CLCN1: variants seen among roughly 807,000 people sequenced by gnomAD.
The protein encoded by CLCN1 is chloride voltage-gated channel 1.
A neutral mutation model predicts 114.5 loss-of-function variants in CLCN1; 100 were observed. That is an observed-to-expected ratio of 0.87 (90% CI 0.74 to 1.03). CLCN1 has a LOEUF of 1.03. Among genes scored for constraint, CLCN1 ranks in the 50% least tolerant of loss-of-function variants. The pLI is 0.00. For missense variants in CLCN1, 1,188 were observed against 1,250.0 expected (o/e 0.95, Z 0.75); for synonymous variants, 485 against 487.1 (o/e 1.00, Z 0.06).
At position 143,346,549 on chromosome 7, in the gene CLCN1, C is replaced by T. The variant is rs776961258; in HGVS notation, c.2285-30C>T. Reference sequence around the variant, plus strand: ...CTGGCCGTTTCCTGTTGCTTTGTGTCCATTTCCATCCACTCACCTGTCCTC... The same window carrying T: ...CTGGCCGTTTCCTGTTGCTTTGTGTTCATTTCCATCCACTCACCTGTCCTC... On this transcript the variant is annotated intron_variant, in intron 18 of 22. Coordinates refer to ENST00000343257, the MANE Select transcript of CLCN1 (RefSeq NM_000083.3). 2.6e-6 allele frequency: 4 copies of T among 1,547,232 alleles called. No homozygotes were observed. In the East Asian group the frequency reaches 6.8e-5, roughly 26 times the overall value.
Position 143,342,123 on chromosome 7 carries a change from C to T in CLCN1, c.1777C>T (p.Leu593Phe). 7 of 1,614,168 alleles carry T rather than the reference C, an allele frequency of 4.3e-6. No homozygotes were observed. Among genetic ancestry groups the T allele is most frequent in the Non-Finnish European group, 5.9e-6 (7 of 1,180,020 alleles). The change falls in exon 15 of 23, where the codon CTT becomes TTT. Residue 593 changes from leucine (L) to phenylalanine (F), a missense_variant. Coordinates refer to ENST00000343257, the MANE Select transcript of CLCN1 (RefSeq NM_000083.3). ...CAAGAAGCTACCCTACTTGCCTGAC[C>T]TTGGCTGGAACCAGCTCAGGTCAGG... is the stretch of plus-strand genomic sequence containing the variant. ...QVKKLPYLPD[L>F]GWNQLSKYTI... is the part of the protein sequence containing the mutation.
chr7:143,328,577 T>A (rs1026345599), intron 7 of CLCN1, among the ~76,000 whole-genome samples: 2 of 152,246 alleles, frequency 1.3e-5, no homozygotes, highest in South Asian at 2.1e-4. Context: ...GCCCAGGATT[T>A]CAAAAAATTG....
In CLCN1 at chr7:143,330,896, T is replaced by C; in HGVS notation, c.978T>C (p.Ala326=). 6.2e-7 allele frequency: 1 copy of C among 1,614,166 alleles called. No homozygotes were observed. Among genetic ancestry groups the C allele is most frequent in the African/African-American group, 1.3e-5 (1 of 75,028 alleles). Residue 326 remains alanine, a splice_region_variant and synonymous_variant, in exon 8 of 23, where the codon GCT becomes GCC. Transcript: ENST00000343257. ...TGCTGGCAGTGTGGAACAAGGATGC[T>C]GGTAACCAAGGAGGCCTTGGGTGGA... is the stretch of plus-strand genomic sequence containing the variant. ...FRVLAVWNKD[A]VTITALFRTN... is the part of the protein sequence containing the mutation.
rs1803113619 is a variant in CLCN1, at chr7:143,342,525, T to C, written c.1930+20T>C. 1 of 1,613,838 alleles carries C rather than the reference T, an allele frequency of 6.2e-7. No homozygotes were observed. The highest frequency in any genetic ancestry group is 1.7e-4 in the Middle Eastern group (1 of 6,060). On this transcript the variant is annotated intron_variant, in intron 16 of 22. Transcript: ENST00000343257. Reference sequence around the variant, plus strand: ...CAAAAGGTCAGTGGGGAGGAAGAAGTCGACTCCAGAGCTAGTGACCTGAAT... The same window carrying C: ...CAAAAGGTCAGTGGGGAGGAAGAAGCCGACTCCAGAGCTAGTGACCTGAAT...
Position 143,350,891 on chromosome 7 carries a change from C to T in CLCN1, c.2595+237C>T, listed in dbSNP as rs933772245. 5.3e-5 allele frequency among the ~76,000 whole-genome samples: 8 copies of T among 152,174 alleles called. No homozygotes were observed. The highest frequency in any genetic ancestry group is 4.1e-4 in the South Asian group (2 of 4,826). On this transcript the variant is annotated intron_variant, in intron 22 of 22. Coordinates refer to ENST00000343257, the MANE Select transcript of CLCN1 (RefSeq NM_000083.3). The surrounding 1 kb of genome is among the most constrained non-coding windows in gnomAD (Gnocchi z 5.1). ...CTCCCGGGTTCAAGTGATTCTCCTG[C>T]CTCAGCCTCCCAAGTAGCTGGGATT...
Position 143,350,364 on chromosome 7 carries a change from G to C in CLCN1, c.2404-8G>C. 3 of 1,612,382 alleles carry C rather than the reference G, an allele frequency of 1.9e-6. No homozygotes were observed. Among genetic ancestry groups the C allele is most frequent in the Non-Finnish European group, 2.5e-6 (3 of 1,178,694 alleles). On this transcript the variant is annotated splice_polypyrimidine_tract_variant and splice_region_variant and intron_variant, in intron 20 of 22. Transcript: ENST00000343257. The surrounding 1 kb of genome is among the most constrained non-coding windows in gnomAD (Gnocchi z 5.1). ...TGATTTTCGTGACTTTCCTCCTCTGGCTGACAGATTGAGGCCTGGGAGCAG... is the reference window on the plus strand; with the variant it reads ...TGATTTTCGTGACTTTCCTCCTCTGCCTGACAGATTGAGGCCTGGGAGCAG...
intron 20 of CLCN1, among the ~76,000 whole-genome samples, chr7:143,348,459 T>C (rs1261832029): frequency 6.6e-6 from 1 of 152,130 alleles, no homozygotes; most frequent in Non-Finnish European, 1.5e-5. Flanking sequence ...AAGCCAGGGA[T>C]TAAAAATAAG....
At chr7:143,318,835 A>G (rs2116833083) in intron 1 of CLCN1, among the ~76,000 whole-genome samples, 1 of 152,322 alleles carries the variant, frequency 6.6e-6, no homozygotes, top group African/African-American at 2.4e-5. Flanking sequence ...GACCCAGAAG[A>G]CAAACAGCCA....
At chr7:143,345,443 TC>T (rs2116382985) in intron 16 of CLCN1, 77 bp from the exon 17 acceptor site, 2 of 1,448,840 alleles carry the variant, frequency 1.4e-6, no homozygotes, top group East Asian at 2.5e-5. Context: ...CCTCTCCTGT[TC>T]CTTCTCAGGA....
At chr7:143,328,204 T>C (rs1487755371) in intron 7 of CLCN1, among the ~76,000 whole-genome samples, 1 of 148,676 alleles carries the variant, frequency 6.7e-6, no homozygotes. Flanking sequence ...CTCAGGAACA[T>C]GGCTTTGCTA....
At position 143,321,484 on chromosome 7, in the gene CLCN1, C is replaced by T; in HGVS notation, c.553C>T (p.Gln185Ter). 1 of 1,614,152 alleles carries T rather than the reference C, an allele frequency of 6.2e-7. No individual in the cohort carries two copies. Among genetic ancestry groups the T allele is most frequent in the Non-Finnish European group, 8.5e-7 (1 of 1,180,026 alleles). The change falls in exon 4 of 23, where the codon CAG (glutamine) becomes TAG (stop). Residue 185 changes from glutamine (Q) to a stop codon, truncating the protein, a stop_gained. Coordinates refer to ENST00000343257, the MANE Select transcript of CLCN1 (RefSeq NM_000083.3). LOFTEE classifies it high-confidence loss of function. This position sits in a 1 kb window ranked among gnomAD's most constrained non-coding sequence, Gnocchi z 4.2. ...CCTCTTCTGCCACCTCATCTCTCCC[C>T]AGGCTGTTGGTGAGAACTTGCCACC... ...SALFCHLISP[Q>*]AVGSGIPEMK...
At chr7:143,331,478 C>T (rs1802722509) in intron 9 of CLCN1, 73 bp from the exon 10 acceptor site, 1 of 1,207,738 alleles carries the variant, frequency 8.3e-7, no homozygotes, top group Non-Finnish European at 1.2e-6. Flanking sequence ...TATTTGTTTC[C>T]CTGCAGTAGT....
chr7:143,325,226 G>C (rs923073602), intron 7 of CLCN1, among the ~76,000 whole-genome samples: 1 of 152,184 alleles, frequency 6.6e-6, no homozygotes, highest in Non-Finnish European at 1.5e-5. Flanking sequence ...ATTCATTGAT[G>C]ATAAAAAGGA....
At position 143,344,751 on chromosome 7, in the gene CLCN1, G is replaced by GTTTT. The variant is rs11370140; in HGVS notation, c.1931-755_1931-752dup. On this transcript the variant is annotated intron_variant, in intron 16 of 22. Transcript: ENST00000343257. ...AGGCATTTTGATTTATCCTAGCAGGGTTTTTTTTTTTTTTTTTTAATGAAA... is the reference window on the plus strand; with the variant it reads ...AGGCATTTTGATTTATCCTAGCAGGGTTTTTTTTTTTTTTTTTTTTTTAATGAAA... Among the ~76,000 whole-genome samples, 259 of 131,298 alleles carry GTTTT rather than the reference G, an allele frequency of 2.0e-3. 3 individuals carry two copies. The highest frequency in any genetic ancestry group is 7.2e-3 in the African/African-American group (248 of 34,400). 86.1% of individuals were successfully genotyped at this position (131,298 alleles called of 152,430 possible). A position where few individuals can be genotyped will look rare whatever the true frequency, so the allele number is the denominator to read the frequency against.
At chr7:143,316,707 G>C (rs1457021919) in intron 1 of CLCN1, among the ~76,000 whole-genome samples, 3 of 152,204 alleles carry the variant, frequency 2.0e-5, no homozygotes, top group Admixed American at 6.5e-5. Context: ...AGTGGATTGC[G>C]TAGGAGCCCA....
intron 12 of CLCN1, among the ~76,000 whole-genome samples, chr7:143,336,519 A>C (rs1233037966): frequency 6.7e-6 from 1 of 148,448 alleles, no homozygotes; most frequent in African/African-American, 2.5e-5. Context: ...CTGAGGCAGG[A>C]GAATTGCTTG....
rs143924623 is a variant in CLCN1, at chr7:143,340,670, T to C, written c.1582+1049T>C. Among the ~76,000 whole-genome samples the C allele has an allele frequency of 2.9e-3, 445 of 152,280 alleles. 2 individuals are homozygous for C. The highest frequency in any genetic ancestry group is 0.01 in the Middle Eastern group (3 of 294). Reference sequence around the variant, plus strand: ...GCCTCAGCCTCCCAAGTAGCTGGGATTACAGGCACATGCCATCATGTCTGG... The same window carrying C: ...GCCTCAGCCTCCCAAGTAGCTGGGACTACAGGCACATGCCATCATGTCTGG... On this transcript the variant is annotated intron_variant, in intron 14 of 22. Coordinates refer to ENST00000343257, the MANE Select transcript of CLCN1 (RefSeq NM_000083.3).
chr7:143,333,262 T>C (rs552022632), intron 12 of CLCN1, among the ~76,000 whole-genome samples: 4 of 151,346 alleles, frequency 2.6e-5, no homozygotes, highest in Non-Finnish European at 5.9e-5. Flanking sequence ...GATCGTGCCA[T>C]TGCACTCCAG....
intron 12 of CLCN1, among the ~76,000 whole-genome samples, chr7:143,333,204 C>T (rs1033113338): frequency 1.3e-5 from 2 of 151,550 alleles, no homozygotes; most frequent in East Asian, 1.9e-4. Flanking sequence ...GGGAGGCTGA[C>T]GCAGGAGAAT....
Sources: allele counts gnomAD v4.1 joint callset (sites outside exome capture counted in the v4.1 genomes callset), GRCh38; gene constraint gnomAD v4.1.1; non-coding constraint Gnocchi (gnomAD v3.1); transcripts MANE v1.5; gene names NCBI Gene and HGNC (gene_info 2026-07-23, HGNC 2026-07-21).